The following MOB3B variants were observed in gnomAD, a reference collection of about 807,000 sequenced individuals.
MOB3B encodes MOB kinase activator-like 2B.
A neutral mutation model predicts 18.7 loss-of-function variants in MOB3B; 7 were observed. That is an observed-to-expected ratio of 0.37 (90% CI 0.21 to 0.70). MOB3B has a LOEUF of 0.70. Among genes scored for constraint, MOB3B ranks in the 30% least tolerant of loss-of-function variants. The pLI is 0.52. For missense variants in MOB3B, 253 were observed against 281.3 expected (o/e 0.90, Z 0.72); for synonymous variants, 111 against 99.9 (o/e 1.11, Z -0.66).
At chr9:27,449,127 C>A (rs912280432) in intron 2 of MOB3B, among the ~76,000 whole-genome samples, 1 of 152,134 alleles carries the variant, frequency 6.6e-6, no homozygotes, top group Non-Finnish European at 1.5e-5. Flanking sequence ...TCTGTGAAGC[C>A]AGGAGCCTAA....
At chr9:27,489,863 A>C (rs1819789603) in intron 1 of MOB3B, among the ~76,000 whole-genome samples, 1 of 151,504 alleles carries the variant, frequency 6.6e-6, no homozygotes, top group Non-Finnish European at 1.5e-5. Flanking sequence ...TCTCTAAAAC[A>C]GTCACATAAG....
intron 2 of MOB3B, among the ~76,000 whole-genome samples, chr9:27,363,614 A>T (rs950982324): frequency 3.4e-4 from 52 of 151,974 alleles, no homozygotes; most frequent in African/African-American, 1.2e-3. Context: ...GCTCAGTTAA[A>T]TCATTTGCCC....
At chr9:27,384,713 G>A (rs1459762341) in intron 2 of MOB3B, among the ~76,000 whole-genome samples, 1 of 152,192 alleles carries the variant, frequency 6.6e-6, no homozygotes, top group Non-Finnish European at 1.5e-5. Flanking sequence ...TCCCTGGCAT[G>A]GCTGGGTGTC....
chr9:27,382,368 C>T (rs1821590649), intron 2 of MOB3B, among the ~76,000 whole-genome samples: 1 of 152,156 alleles, frequency 6.6e-6, no homozygotes, highest in Non-Finnish European at 1.5e-5. Flanking sequence ...CCAGGTTCCC[C>T]TTAACACACT....
chr9:27,376,590 G>A (rs1821492716), intron 2 of MOB3B, among the ~76,000 whole-genome samples: 3 of 152,020 alleles, frequency 2.0e-5, no homozygotes, highest in Admixed American at 2.0e-4. Flanking sequence ...ATTATCCAGG[G>A]AACATAAAAA....
intron 3 of MOB3B, among the ~76,000 whole-genome samples, chr9:27,344,098 T>G (rs1368289451): frequency 5.5e-5 from 8 of 146,234 alleles, no homozygotes; most frequent in Non-Finnish European, 1.5e-5. Context: ...TTAAAAAAAT[T>G]TAGAAAGGAA....
intron 2 of MOB3B, among the ~76,000 whole-genome samples, chr9:27,386,713 C>G (rs1003142473): frequency 2.0e-5 from 3 of 152,198 alleles, no homozygotes; most frequent in African/African-American, 7.2e-5. Context: ...ATTTTATGAG[C>G]TACAGGAATT....
chr9:27,377,455 G>A (rs1821505579), intron 2 of MOB3B, among the ~76,000 whole-genome samples: 1 of 152,134 alleles, frequency 6.6e-6, no homozygotes, highest in Non-Finnish European at 1.5e-5. Context: ...AAACTGCCAG[G>A]GGTGGGAGGA....
intron 2 of MOB3B, among the ~76,000 whole-genome samples, chr9:27,416,544 A>ATTTTTTTTTTTTTT (rs559806304): frequency 3.3e-5 from 4 of 121,418 alleles, no homozygotes; most frequent in African/African-American, 5.9e-5. Context: ...TTTCTTTTTA[A>ATTTTTTTTTTTTTT]TTTTTTTTTT....
intron 3 of MOB3B, among the ~76,000 whole-genome samples, chr9:27,340,005 A>C (rs1171896645): frequency 6.6e-6 from 1 of 152,220 alleles, no homozygotes; most frequent in African/African-American, 2.4e-5. Flanking sequence ...TCCAACCAGC[A>C]CACAGGAATT....
intron 1 of MOB3B, among the ~76,000 whole-genome samples, chr9:27,493,445 C>G (rs1008335532): frequency 2.0e-5 from 3 of 152,118 alleles, no homozygotes; most frequent in Non-Finnish European, 4.4e-5. Context: ...TCGAGACCAT[C>G]CTGGCTAACA....
rs12342052 is a variant in MOB3B, at chr9:27,375,500, C to T, written c.419-16264G>A. 6.8e-4 allele frequency among the ~76,000 whole-genome samples: 104 copies of T among 152,292 alleles called. 1 individual carries two copies. The highest frequency in any genetic ancestry group is 2.2e-3 in the African/African-American group (93 of 41,570). Reference sequence around the variant, plus strand: ...CTTTCTTACCTCCTGCATATTTGCACACTACATGGACATTGCTAAATTCCC... The same window carrying T: ...CTTTCTTACCTCCTGCATATTTGCATACTACATGGACATTGCTAAATTCCC... On this transcript the variant is annotated intron_variant, in intron 2 of 3. Coordinates refer to ENST00000262244, the MANE Select transcript of MOB3B (RefSeq NM_024761.5).
intron 1 of MOB3B, among the ~76,000 whole-genome samples, chr9:27,516,642 A>C (rs774351): frequency 0.29 from 44,340 of 152,014 alleles, 6,603 homozygotes; most frequent in Middle Eastern, 0.36. Context: ...AGAAAAAACT[A>C]ATTATCCTTA....
Position 27,493,810 on chromosome 9 carries a change from T to A in MOB3B, c.-199+35745A>T, listed in dbSNP as rs571888491. Among the ~76,000 whole-genome samples the A allele has an allele frequency of 2.6e-5, 4 of 152,290 alleles. No individual in the cohort carries two copies. In the South Asian group the frequency reaches 8.3e-4, roughly 32 times the overall value. On this transcript the variant is annotated intron_variant, in intron 1 of 3. Coordinates refer to ENST00000262244, the MANE Select transcript of MOB3B (RefSeq NM_024761.5). The stretch of plus-strand genomic sequence containing the variant: ...TGCACAAATTGTACAGCATGTGTGT[T>A]TGAGCAATACGAAATCTGGGCACCT...
chr9:27,523,372 C>G (rs1160540790), intron 1 of MOB3B, among the ~76,000 whole-genome samples: 4 of 151,092 alleles, frequency 2.6e-5, no homozygotes, highest in African/African-American at 9.8e-5. Context: ...CAGGAGCAAA[C>G]AAAAGCCTTT....
At chr9:27,391,090 G>C (rs1005569633) in intron 2 of MOB3B, among the ~76,000 whole-genome samples, 7 of 152,198 alleles carry the variant, frequency 4.6e-5, no homozygotes, top group African/African-American at 1.7e-4. Context: ...TCTGAAGTTT[G>C]AGTTAGTCAG....
At position 27,455,708 on chromosome 9, in the gene MOB3B, C is replaced by G. The variant is rs1479545764; in HGVS notation, c.-158G>C. ...AGCTCTTCTAAACAGCCCCTTCCAT[C>G]TTCCTCTTGAATGATTTCCAAGGGA... On this transcript the variant is annotated 5_prime_UTR_variant, in exon 2 of 4. Transcript: ENST00000262244. The G allele has an allele frequency of 6.8e-7, 1 of 1,473,108 alleles. No homozygotes were observed. The highest frequency in any genetic ancestry group is 8.9e-7 in the Non-Finnish European group (1 of 1,121,790). 91.3% of individuals were successfully genotyped at this position (1,473,108 alleles called of 1,614,324 possible).
chr9:27,331,616 G>A (rs1182169095), intron 3 of MOB3B, among the ~76,000 whole-genome samples: 1 of 152,210 alleles, frequency 6.6e-6, no homozygotes, highest in African/African-American at 2.4e-5. Context: ...CTGTGCCAGG[G>A]TAGTGGCTCC....
chr9:27,524,533 T>G (rs1820398381), intron 1 of MOB3B: 1 of 1,614,024 alleles, frequency 6.2e-7, no homozygotes, highest in African/African-American at 1.3e-5. Context: ...AACATAGCTT[T>G]TGAGTTGCCC....
Sources: allele counts gnomAD v4.1 joint callset (sites outside exome capture counted in the v4.1 genomes callset), GRCh38; gene constraint gnomAD v4.1.1; transcripts MANE v1.5; gene names NCBI Gene and HGNC (gene_info 2026-07-23, HGNC 2026-07-21).